OR2F2: variants seen among roughly 807,000 people sequenced by gnomAD.
OR2F2 encodes olfactory receptor 2F2.
For synonymous variants in OR2F2, 161 were observed against 159.0 expected (o/e 1.01, Z -0.09); for missense variants, 375 against 380.2 (o/e 0.99, Z 0.11).
At position 143,935,467 on chromosome 7, in the gene OR2F2, C is replaced by A; in HGVS notation, c.235C>A (p.Pro79Thr). 1 of 1,614,198 alleles carries A rather than the reference C, an allele frequency of 6.2e-7. No individual in the cohort carries two copies. Among genetic ancestry groups the A allele is most frequent in the Non-Finnish European group, 8.5e-7 (1 of 1,180,034 alleles). Residue 79 changes from proline (P) to threonine (T), a missense_variant, in exon 1 of 1, where the codon CCC becomes ACC. Transcript: ENST00000408955. ...TGTCTCCTATGCCACAAGCGTAGTC[C>A]CCCAGCTGCTGGCACATTTTCTTGC... ...VDVSYATSVV[P>T]QLLAHFLAEH...
chr7:143,935,938 A>C lies in OR2F2; in HGVS notation c.706A>C (p.Lys236Gln). The part of the protein sequence containing the change: ...LKIQSREGRK[K>Q]AFHTCASHLT... Reference sequence around the variant, plus strand: ...GATCCAGTCCAGAGAAGGAAGAAAGAAAGCCTTCCACACGTGTGCCTCTCA... The same window carrying C: ...GATCCAGTCCAGAGAAGGAAGAAAGCAAGCCTTCCACACGTGTGCCTCTCA... Residue 236 changes from lysine to glutamine, a missense_variant, in exon 1 of 1, where the codon AAA becomes CAA. Lys to Gln is a moderately conservative substitution (Grantham distance 53). Transcript: ENST00000408955. The C allele has an allele frequency of 6.2e-7, 1 of 1,614,044 alleles. No individual in the cohort carries two copies. Among genetic ancestry groups the C allele is most frequent in the South Asian group, 1.1e-5 (1 of 91,072 alleles).
rs776671643 is a variant in OR2F2, at chr7:143,935,665, G to C, written c.433G>C (p.Ala145Pro). The change falls in exon 1 of 1, where the codon GCC becomes CCC. Residue 145 changes from alanine (A) to proline (P), a missense_variant. Coordinates refer to ENST00000408955, the MANE Select transcript of OR2F2 (RefSeq NM_001004685.1). ...GCATGGAGGGCTGTGTGCTAGGTTG[G>C]CCATCACATCCTGGGTCAGTGGCTC... ...IMHGGLCARL[A>P]ITSWVSGSIN... is the part of the protein sequence containing the mutation. 6.2e-7 allele frequency: 1 copy of C among 1,614,082 alleles called. No individual in the cohort carries two copies. The highest frequency in any genetic ancestry group is 2.2e-5 in the East Asian group (1 of 44,902).
rs768835395 is a variant in OR2F2 at position 143,935,862 on chromosome 7, T to C, written c.630T>C (p.Pro210=). 4 of 1,614,204 alleles carry C rather than the reference T, an allele frequency of 2.5e-6. No homozygotes were observed. Among genetic ancestry groups the C allele is most frequent in the South Asian group, 1.1e-5 (1 of 91,078 alleles). Residue 210 remains proline (P), a synonymous_variant, in exon 1 of 1, where the codon CCT becomes CCC. Transcript: ENST00000408955. ...MVSSIVLLMT[P]FCLVLLSYIR... is the part of the protein sequence containing the mutation. The stretch of plus-strand genomic sequence containing the variant: ...CTAGCATTGTTCTTCTGATGACACC[T>C]TTCTGCCTGGTTCTGTTGTCCTACA...
At position 143,935,878 on chromosome 7, in the gene OR2F2, T is replaced by C; in HGVS notation, c.646T>C (p.Leu216=). Residue 216 remains leucine, a synonymous_variant, in exon 1 of 1, where the codon TTG becomes CTG. Coordinates refer to ENST00000408955, the MANE Select transcript of OR2F2 (RefSeq NM_001004685.1). Reference sequence around the variant, plus strand: ...GATGACACCTTTCTGCCTGGTTCTGTTGTCCTACATCCGGATCATCTCCAC... The same window carrying C: ...GATGACACCTTTCTGCCTGGTTCTGCTGTCCTACATCCGGATCATCTCCAC... The part of the protein sequence containing the change: ...LLMTPFCLVL[L]SYIRIISTIL... 1 of 1,614,216 alleles carries C rather than the reference T, an allele frequency of 6.2e-7. No individual in the cohort carries two copies. Among genetic ancestry groups the C allele is most frequent in the Non-Finnish European group, 8.5e-7 (1 of 1,180,028 alleles).
rs866839513 is a variant in OR2F2, at chr7:143,935,997, G to A, written c.765G>A (p.Thr255=). 5.0e-6 allele frequency: 8 copies of A among 1,613,924 alleles called. No individual in the cohort carries two copies. Among genetic ancestry groups the A allele is most frequent in the African/African-American group, 1.3e-5 (1 of 75,026 alleles). Residue 255 remains threonine, a synonymous_variant, in exon 1 of 1, where the codon ACG becomes ACA. Coordinates refer to ENST00000408955, the MANE Select transcript of OR2F2 (RefSeq NM_001004685.1). ...LTVVALCYGT[T]IFTYIQPHSG... is the part of the protein sequence containing the mutation. Reference sequence around the variant, plus strand: ...TGGTTGCCCTGTGCTACGGCACAACGATTTTCACTTACATCCAGCCCCACT... The same window carrying A: ...TGGTTGCCCTGTGCTACGGCACAACAATTTTCACTTACATCCAGCCCCACT...
At position 143,935,901 on chromosome 7, in the gene OR2F2, C is replaced by A; in HGVS notation, c.669C>A (p.Ser223=). The A allele has an allele frequency of 6.2e-7, 1 of 1,614,170 alleles. No individual in the cohort carries two copies. The change falls in exon 1 of 1, where the codon TCC becomes TCA. Residue 223 remains serine, a synonymous_variant. Transcript: ENST00000408955. Reference sequence around the variant, plus strand: ...TGTTGTCCTACATCCGGATCATCTCCACCATCCTAAAGATCCAGTCCAGAG... The same window carrying A: ...TGTTGTCCTACATCCGGATCATCTCAACCATCCTAAAGATCCAGTCCAGAG... The part of the protein sequence containing the change: ...LVLLSYIRII[S]TILKIQSREG...
rs1814815442 is a variant in OR2F2 at position 143,935,550 on chromosome 7, C to T, written c.318C>T (p.Ala106=). ...CAGCCCAGTTATTTTTCTCCCTGGC[C>T]TTGGGTGGGATTGAGTTTGTTCTCC... ...SCAAQLFFSL[A]LGGIEFVLLA... Residue 106 remains alanine, a synonymous_variant, in exon 1 of 1, where the codon GCC becomes GCT. Coordinates refer to ENST00000408955, the MANE Select transcript of OR2F2 (RefSeq NM_001004685.1). The T allele has an allele frequency of 6.2e-7, 1 of 1,613,900 alleles. No homozygotes were observed. Among genetic ancestry groups the T allele is most frequent in the African/African-American group, 1.3e-5 (1 of 74,872 alleles).
chr7:143,935,841 C>T lies in OR2F2; in HGVS notation c.609C>T (p.Ser203=). The T allele has an allele frequency of 6.2e-7, 1 of 1,614,224 alleles. No homozygotes were observed. The highest frequency in any genetic ancestry group is 2.2e-5 in the East Asian group (1 of 44,888). The change falls in exon 1 of 1, where the codon AGC becomes AGT. Residue 203 remains serine, a synonymous_variant. Coordinates refer to ENST00000408955, the MANE Select transcript of OR2F2 (RefSeq NM_001004685.1). Reference sequence around the variant, plus strand: ...ATGAGGCTGCCATCATGGTGTCTAGCATTGTTCTTCTGATGACACCTTTCT... The same window carrying T: ...ATGAGGCTGCCATCATGGTGTCTAGTATTGTTCTTCTGATGACACCTTTCT... ...SSNEAAIMVS[S]IVLLMTPFCL...
At position 143,935,469 on chromosome 7, in the gene OR2F2, C is replaced by T. The variant is rs373381277; in HGVS notation, c.237C>T (p.Pro79=). 12 of 1,614,202 alleles carry T rather than the reference C, an allele frequency of 7.4e-6. No individual in the cohort carries two copies. The highest frequency in any genetic ancestry group is 5.0e-5 in the Admixed American group (3 of 60,028). ...VDVSYATSVV[P]QLLAHFLAEH... ...TCTCCTATGCCACAAGCGTAGTCCC[C>T]CAGCTGCTGGCACATTTTCTTGCAG... Residue 79 remains proline (P), a synonymous_variant, in exon 1 of 1, where the codon CCC becomes CCT. Transcript: ENST00000408955.
Position 143,936,181 on chromosome 7 carries a change from A to G in OR2F2, c.949A>G (p.Thr317Ala). 1 of 1,593,832 alleles carries G rather than the reference A, an allele frequency of 6.3e-7. No individual in the cohort carries two copies. Among genetic ancestry groups the G allele is most frequent in the Non-Finnish European group, 8.5e-7 (1 of 1,170,276 alleles). Residue 317 changes from threonine (T) to alanine (A), a missense_variant, in exon 1 of 1, where the codon ACT (threonine) becomes GCT (alanine). Coordinates refer to ENST00000408955, the MANE Select transcript of OR2F2 (RefSeq NM_001004685.1). ...CTCTGGGTTAACATCCAAGCTGGGAACTTGACTCATGAACATTACTTTAAG... is the reference window on the plus strand; with the variant it reads ...CTCTGGGTTAACATCCAAGCTGGGAGCTTGACTCATGAACATTACTTTAAG... ...KFSGLTSKLG[T>A]
chr7:143,935,688 C>T lies in OR2F2; in HGVS notation c.456C>T (p.Gly152=), dbSNP rs1463687866. 5.0e-6 allele frequency: 8 copies of T among 1,614,106 alleles called. No individual in the cohort carries two copies. In the African/African-American group the frequency reaches 9.3e-5, roughly 19 times the overall value. ...ARLAITSWVS[G]SINSLVQTAI... The stretch of plus-strand genomic sequence containing the variant: ...TGGCCATCACATCCTGGGTCAGTGG[C>T]TCCATCAACTCTCTTGTGCAGACTG... Residue 152 remains glycine (G), a synonymous_variant, in exon 1 of 1, where the codon GGC becomes GGT. Coordinates refer to ENST00000408955, the MANE Select transcript of OR2F2 (RefSeq NM_001004685.1).
In OR2F2 at chr7:143,936,058, G is replaced by C; in HGVS notation, c.826G>C (p.Val276Leu). 1 of 1,613,964 alleles carries C rather than the reference G, an allele frequency of 6.2e-7. No homozygotes were observed. Among genetic ancestry groups the C allele is most frequent in the Non-Finnish European group, 8.5e-7 (1 of 1,179,984 alleles). ...PSVLQEKLIS[V>L]FYAIVMPLLN... is the part of the protein sequence containing the mutation. ...AGTCCTTCAAGAGAAGCTGATCTCT[G>C]TCTTCTATGCCATTGTTATGCCTCT... Residue 276 changes from valine to leucine, a missense_variant, in exon 1 of 1, where the codon GTC becomes CTC. Transcript: ENST00000408955.
chr7:143,935,249 A>G lies in OR2F2; in HGVS notation c.17A>G (p.Gln6Arg). 1 of 1,610,868 alleles carries G rather than the reference A, an allele frequency of 6.2e-7. No individual in the cohort carries two copies. Among genetic ancestry groups the G allele is most frequent in the Non-Finnish European group, 8.5e-7 (1 of 1,177,708 alleles). The change falls in exon 1 of 1, where the codon CAG becomes CGG. Residue 6 changes from glutamine (Q) to arginine (R), a missense_variant. Coordinates refer to ENST00000408955, the MANE Select transcript of OR2F2 (RefSeq NM_001004685.1). ...CATTTTTAAATGGAAATAGATAACCAGACGTGGGTGAGAGAATTTATTCTC... is the reference window on the plus strand; with the variant it reads ...CATTTTTAAATGGAAATAGATAACCGGACGTGGGTGAGAGAATTTATTCTC... MEIDN[Q>R]TWVREFILLG...
Position 143,936,011 on chromosome 7 carries a change from T to A in OR2F2, c.779T>A (p.Ile260Asn). The A allele has an allele frequency of 6.2e-7, 1 of 1,614,022 alleles. No homozygotes were observed. The highest frequency in any genetic ancestry group is 8.5e-7 in the Non-Finnish European group (1 of 1,180,028). ...LCYGTTIFTY[I>N]QPHSGPSVLQ... is the part of the protein sequence containing the mutation. ...TACGGCACAACGATTTTCACTTACA[T>A]CCAGCCCCACTCTGGTCCCTCAGTC... The change falls in exon 1 of 1, where the codon ATC becomes AAC. Residue 260 changes from isoleucine to asparagine, a missense_variant. Physicochemically the swap from Ile to Asn is moderately radical, Grantham distance 149. Transcript: ENST00000408955.
rs775369855 is a variant in OR2F2, at chr7:143,935,444, T to A, written c.212T>A (p.Val71Asp). 6.2e-7 allele frequency: 1 copy of A among 1,614,180 alleles called. No homozygotes were observed. The change falls in exon 1 of 1, where the codon GTC becomes GAC. Residue 71 changes from valine (V) to aspartate (D), a missense_variant. Physicochemically the swap from Val to Asp is radical, Grantham distance 152 (BLOSUM62 -3). Coordinates refer to ENST00000408955, the MANE Select transcript of OR2F2 (RefSeq NM_001004685.1). The stretch of plus-strand genomic sequence containing the variant: ...CTCACCAACCTCTCCCTTGTCGATG[T>A]CTCCTATGCCACAAGCGTAGTCCCC... ...FFLTNLSLVD[V>D]SYATSVVPQL...
chr7:143,936,149 A>G lies in OR2F2; in HGVS notation c.917A>G (p.Glu306Gly), dbSNP rs561407744. Residue 306 changes from glutamate to glycine, a missense_variant, in exon 1 of 1, where the codon GAG becomes GGG. Transcript: ENST00000408955. Reference protein sequence around the residue: ...EVKGAWHKLLEKFSGLTSKLG... With the variant: ...EVKGAWHKLLGKFSGLTSKLG... ...AAGGGGGCCTGGCATAAACTATTAG[A>G]GAAATTCTCTGGGTTAACATCCAAG... 23 of 1,609,138 alleles carry G rather than the reference A, an allele frequency of 1.4e-5. No homozygotes were observed. Among genetic ancestry groups the G allele is most frequent in the African/African-American group, 2.7e-5 (2 of 74,680 alleles).
In OR2F2 at chr7:143,936,085, C is replaced by G; in HGVS notation, c.853C>G (p.Leu285Val). 1 of 1,614,056 alleles carries G rather than the reference C, an allele frequency of 6.2e-7. No individual in the cohort carries two copies. Among genetic ancestry groups the G allele is most frequent in the Non-Finnish European group, 8.5e-7 (1 of 1,179,994 alleles). Reference sequence around the variant, plus strand: ...CTTCTATGCCATTGTTATGCCTCTGCTGAACCCTGTGATTTATAGTCTAAG... The same window carrying G: ...CTTCTATGCCATTGTTATGCCTCTGGTGAACCCTGTGATTTATAGTCTAAG... ...SVFYAIVMPL[L>V]NPVIYSLRNK... Residue 285 changes from leucine (L) to valine (V), a missense_variant, in exon 1 of 1, where the codon CTG becomes GTG. Coordinates refer to ENST00000408955, the MANE Select transcript of OR2F2 (RefSeq NM_001004685.1).
rs1386094046 is a variant in OR2F2, at chr7:143,935,998, A to T, written c.766A>T (p.Ile256Phe). The T allele has an allele frequency of 6.2e-7, 1 of 1,613,808 alleles. No homozygotes were observed. The highest frequency in any genetic ancestry group is 1.1e-5 in the South Asian group (1 of 91,070). The change falls in exon 1 of 1, where the codon ATT becomes TTT. Residue 256 changes from isoleucine to phenylalanine, a missense_variant. By Grantham distance (21) the Ile-to-Phe change is conservative. Transcript: ENST00000408955. ...GGTTGCCCTGTGCTACGGCACAACG[A>T]TTTTCACTTACATCCAGCCCCACTC... ...TVVALCYGTT[I>F]FTYIQPHSGP...
Position 143,935,304 on chromosome 7 carries a change from G to T in OR2F2, c.72G>T (p.Gln24His). 2 of 1,614,196 alleles carry T rather than the reference G, an allele frequency of 1.2e-6. No individual in the cohort carries two copies. Among genetic ancestry groups the T allele is most frequent in the Non-Finnish European group, 1.7e-6 (2 of 1,180,036 alleles). Residue 24 changes from glutamine (Q) to histidine (H), a missense_variant, in exon 1 of 1, where the codon CAG becomes CAT. By Grantham distance (24) the Gln-to-His change is conservative. Transcript: ENST00000408955. ...LLGLSSDWCT[Q>H]ISLFSLFLVT... ...GCTTATCCAGTGACTGGTGCACTCA[G>T]ATATCCCTGTTTTCCCTGTTCTTGG... is the stretch of plus-strand genomic sequence containing the variant.
Sources: gnomAD v4.1 joint callset for allele counts on GRCh38, gnomAD v4.1.1 for gene constraint, MANE v1.5 for transcripts, NCBI Gene and HGNC (gene_info 2026-07-23, HGNC 2026-07-21) for gene names.